The following ROBO2 variants were observed in gnomAD, a reference collection of about 807,000 sequenced individuals.
The protein encoded by ROBO2 is roundabout homolog 2.
A neutral mutation model predicts 160.8 loss-of-function variants in ROBO2; 53 were observed. That is an observed-to-expected ratio of 0.33 (90% confidence interval 0.26 to 0.41). The LOEUF (loss-of-function observed/expected upper bound fraction) is 0.41, where lower values mean the gene tolerates loss of function less well. Ranked by LOEUF, ROBO2 falls within the 10% of genes least tolerant of loss-of-function variation. The pLI is 1.00. For synonymous variants in ROBO2, 664 were observed against 611.7 expected (o/e 1.09, Z -1.26); for missense variants, 1,577 against 1,722.4 (o/e 0.92, Z 1.49).
chr3:76,007,213 T>A (rs1445746867), intron 2 of ROBO2, among the ~76,000 whole-genome samples: 1 of 152,144 alleles, frequency 6.6e-6, no homozygotes, highest in African/African-American at 2.4e-5. Context: ...CATTCTTAGA[T>A]AAGTTAAAAT....
chr3:76,825,972 C>T (rs1481781659), intron 2 of ROBO2, among the ~76,000 whole-genome samples: 7 of 150,442 alleles, frequency 4.7e-5, no homozygotes, highest in African/African-American at 1.2e-4. Flanking sequence ...TCCTAGGGAG[C>T]AGGAAAAATC....
chr3:76,308,389 A>AG (rs2071421085), intron 2 of ROBO2, among the ~76,000 whole-genome samples: 1 of 151,434 alleles, frequency 6.6e-6, no homozygotes, highest in Non-Finnish European at 1.5e-5. Context: ...AAAAAAAAAA[A>AG]AAAAAAAAGA....
chr3:76,441,138 G>A (rs1345960546), intron 2 of ROBO2, among the ~76,000 whole-genome samples: 1 of 152,002 alleles, frequency 6.6e-6, no homozygotes, highest in Admixed American at 6.6e-5. Flanking sequence ...CCCTTGTCCT[G>A]CCAGAACTAC....
chr3:76,111,985 G>A (rs1439703591), intron 2 of ROBO2, among the ~76,000 whole-genome samples: 2 of 152,046 alleles, frequency 1.3e-5, no homozygotes, highest in African/African-American at 2.4e-5. Context: ...TACATCCTGA[G>A]TCATTTTGGA....
intron 2 of ROBO2, among the ~76,000 whole-genome samples, chr3:76,543,763 A>G (rs1200459543): frequency 6.6e-6 from 1 of 151,980 alleles, no homozygotes; most frequent in Non-Finnish European, 1.5e-5. Flanking sequence ...ATACTACCAC[A>G]TCTTCTCAGT....
chr3:77,405,479 A>T (rs2076180802), intron 2 of ROBO2, among the ~76,000 whole-genome samples: 2 of 152,100 alleles, frequency 1.3e-5, no homozygotes. Context: ...AATAGCAGTT[A>T]TGTCTTTAAA....
At chr3:76,336,752 A>G (rs938505893) in intron 2 of ROBO2, among the ~76,000 whole-genome samples, 1 of 151,744 alleles carries the variant, frequency 6.6e-6, no homozygotes, top group Non-Finnish European at 1.5e-5. Context: ...TCATCATATA[A>G]AAACATAAAT....
intron 18 of ROBO2, among the ~76,000 whole-genome samples, chr3:77,595,466 A>G (rs2094280512): frequency 6.6e-6 from 1 of 152,168 alleles, no homozygotes; most frequent in Admixed American, 6.5e-5. Flanking sequence ...CATTAATTAG[A>G]CATTAGCAAA....
chr3:77,375,275 G>A lies in ROBO2; in HGVS notation c.389-102139G>A, dbSNP rs564896000. Among the ~76,000 whole-genome samples, 38 of 152,314 alleles carry A rather than the reference G, an allele frequency of 2.5e-4. 1 individual carries two copies. Among genetic ancestry groups the A allele is most frequent in the African/African-American group, 9.1e-4 (38 of 41,570 alleles). ...GAGCCTCTTGTCATTGATTTAGAAA[G>A]TCTATTTAACCTCTGTTCGGTTCCC... On this transcript the variant is annotated intron_variant, in intron 2 of 25. Transcript: ENST00000461745.
intron 5 of ROBO2, among the ~76,000 whole-genome samples, chr3:77,502,053 G>T (rs2087691116): frequency 6.6e-6 from 1 of 152,042 alleles, no homozygotes; most frequent in African/African-American, 2.4e-5. Flanking sequence ...TTTAGAAAAT[G>T]CTATGATGTA....
intron 2 of ROBO2, among the ~76,000 whole-genome samples, chr3:77,211,312 T>C (rs2084119294): frequency 6.6e-6 from 1 of 152,230 alleles, no homozygotes; most frequent in Non-Finnish European, 1.5e-5. Context: ...CTCATTGTGG[T>C]TTTGCTTTGC....
chr3:76,882,855 A>G (rs897721849), intron 2 of ROBO2, among the ~76,000 whole-genome samples: 6 of 152,322 alleles, frequency 3.9e-5, no homozygotes, highest in Admixed American at 2.6e-4. Flanking sequence ...AAGCTACTCC[A>G]TCTTTGAATG....
intron 2 of ROBO2, among the ~76,000 whole-genome samples, chr3:77,292,780 G>A (rs368064952): frequency 1.0e-4 from 10 of 97,440 alleles, no homozygotes; most frequent in Admixed American, 4.3e-4. Flanking sequence ...TAAATTTGAC[G>A]GTTAAACAGG....
chr3:76,835,713 C>T (rs994986342), intron 2 of ROBO2, among the ~76,000 whole-genome samples: 2 of 151,802 alleles, frequency 1.3e-5, no homozygotes, highest in Non-Finnish European at 2.9e-5. Context: ...TTTTGTCAAG[C>T]GTGTTGACAT....
chr3:77,433,510 A>ATATATATATATATATG (rs1553954820), intron 2 of ROBO2, among the ~76,000 whole-genome samples: 1 of 129,142 alleles, frequency 7.7e-6, no homozygotes, highest in Non-Finnish European at 1.6e-5. Context: ...ATATATATAT[A>ATATATATATATATATG]TATATATATT....
intron 2 of ROBO2, among the ~76,000 whole-genome samples, chr3:77,376,154 C>CTT (rs11425201): frequency 0.027 from 3,062 of 115,480 alleles, 113 homozygotes; most frequent in African/African-American, 0.032. Context: ...ATTTAACTTT[C>CTT]TTTTTTTTTT....
At chr3:76,889,420 T>A (rs2074167667) in intron 2 of ROBO2, among the ~76,000 whole-genome samples, 1 of 152,220 alleles carries the variant, frequency 6.6e-6, no homozygotes, top group Non-Finnish European at 1.5e-5. Context: ...AGATTAGGGA[T>A]GATTCCTATT....
intron 2 of ROBO2, among the ~76,000 whole-genome samples, chr3:77,160,060 T>C (rs564165343): frequency 1.3e-5 from 2 of 152,170 alleles, no homozygotes; most frequent in African/African-American, 4.8e-5. Context: ...ATATATAGAT[T>C]CACCAGGCAT....
intron 2 of ROBO2, among the ~76,000 whole-genome samples, chr3:76,420,357 G>A (rs1181523156): frequency 6.6e-6 from 1 of 152,088 alleles, no homozygotes; most frequent in African/African-American, 2.4e-5. Flanking sequence ...TTTTGCTTGT[G>A]TTGGTCATAA....
Sources: allele counts gnomAD v4.1 joint callset (sites outside exome capture counted in the v4.1 genomes callset), GRCh38; gene constraint gnomAD v4.1.1; transcripts MANE v1.5; gene names NCBI Gene and HGNC (gene_info 2026-07-23, HGNC 2026-07-21).